TNRC6A: variants seen among roughly 807,000 people sequenced by gnomAD.
The protein encoded by TNRC6A is trinucleotide repeat containing adaptor 6A, also known as trinucleotide repeat-containing gene 6A protein.
In TNRC6A, 44 loss-of-function variants were observed where a neutral mutation model predicts 221.2. The observed-to-expected ratio is 0.20, with a 90% CI of 0.16 to 0.26. The LOEUF is 0.26. TNRC6A is among the 10% of genes least tolerant of loss of function. TNRC6A has a pLI of 1.00. For missense variants in TNRC6A, 2,199 were observed against 2,404.4 expected, an observed-to-expected ratio of 0.91 and a Z score of 1.79; for synonymous variants, 847 against 838.5, an observed-to-expected ratio of 1.01 and a Z score of -0.18.
chr16:24,761,121 G>A (rs1160331698), intron 4 of TNRC6A, among the ~76,000 whole-genome samples: 1 of 152,124 alleles, frequency 6.6e-6, no homozygotes, highest in African/African-American at 2.4e-5. Context: ...GTGTTGTAGA[G>A]TCTGTGTAAA....
At chr16:24,811,223 A>G (rs1352506573) in intron 18 of TNRC6A, among the ~76,000 whole-genome samples, 2 of 152,204 alleles carry the variant, frequency 1.3e-5, no homozygotes, top group African/African-American at 2.4e-5. Flanking sequence ...TTAGCTGCAC[A>G]CTGCACACCT....
At chr16:24,650,484 G>A (rs1902580122) in intron 2 of TNRC6A, among the ~76,000 whole-genome samples, 1 of 152,084 alleles carries the variant, frequency 6.6e-6, no homozygotes, top group South Asian at 2.1e-4. Flanking sequence ...GGCCAACATG[G>A]CAAAACCTTG....
chr16:24,668,382 A>C (rs906994635), intron 2 of TNRC6A, among the ~76,000 whole-genome samples: 3 of 151,062 alleles, frequency 2.0e-5, no homozygotes, highest in African/African-American at 7.4e-5. Flanking sequence ...AAGAAAAGAA[A>C]AATAAATTAC....
intron 2 of TNRC6A, among the ~76,000 whole-genome samples, chr16:24,723,872 T>C (rs1362917679): frequency 6.6e-6 from 1 of 152,232 alleles, no homozygotes; most frequent in Admixed American, 6.5e-5. Flanking sequence ...ATAACTACAG[T>C]TCTTGATGTG....
intron 2 of TNRC6A, among the ~76,000 whole-genome samples, chr16:24,740,183 T>A (rs1440433622): frequency 6.6e-6 from 1 of 152,242 alleles, no homozygotes; most frequent in Non-Finnish European, 1.5e-5. Flanking sequence ...ACTTCAGCTT[T>A]GTTGTAATAA....
chr16:24,730,032 G>T (rs2056586354), intron 1 of TNRC6A, among the ~76,000 whole-genome samples, 186 bp downstream of exon 1: 1 of 147,892 alleles, frequency 6.8e-6, no homozygotes, highest in East Asian at 2.0e-4. Context: ...GCCTCGCTGC[G>T]CCGCGCCGCG....
intron 12 of TNRC6A, 52 bp from the exon 13 acceptor site, chr16:24,804,653 T>C (rs1332313600): frequency 7.2e-6 from 11 of 1,535,626 alleles, no homozygotes; most frequent in African/African-American, 1.4e-5. Context: ...GATTTCTCCC[T>C]TCCACTTGTT....
intron 23 of TNRC6A, 30 bp from the exon 24 acceptor site, chr16:24,822,844 C>G (rs1353722974): frequency 6.2e-7 from 1 of 1,612,198 alleles, no homozygotes; most frequent in Admixed American, 1.7e-5. Flanking sequence ...GGTGACGCCT[C>G]TCACTGGCAG....
At chr16:24,621,546 C>T (rs1024782997) in intron 1 of TNRC6A, among the ~76,000 whole-genome samples, 8 of 151,670 alleles carry the variant, frequency 5.3e-5, no homozygotes, top group Non-Finnish European at 8.8e-5. Context: ...TTAGTAAAGG[C>T]GGGGTTTCAT....
chr16:24,682,138 C>T (rs1407973929), intron 2 of TNRC6A, among the ~76,000 whole-genome samples: 1 of 151,960 alleles, frequency 6.6e-6, no homozygotes, highest in African/African-American at 2.4e-5. Context: ...ACCAGATCTA[C>T]TTGAGTAATT....
intron 2 of TNRC6A, among the ~76,000 whole-genome samples, chr16:24,747,388 G>A (rs377508940): frequency 2.6e-5 from 4 of 152,114 alleles, no homozygotes; most frequent in Non-Finnish European, 4.4e-5. Flanking sequence ...TACAGACAAC[G>A]AGGTAGATTC....
At chr16:24,649,328 A>T (rs1388040320) in intron 2 of TNRC6A, among the ~76,000 whole-genome samples, 11 of 150,648 alleles carry the variant, frequency 7.3e-5, no homozygotes, top group African/African-American at 2.4e-4. Flanking sequence ...TGTTTTTTTG[A>T]GACAGGGTCT....
At chr16:24,680,416 G>A (rs182605178) in intron 2 of TNRC6A, among the ~76,000 whole-genome samples, 16 of 148,564 alleles carry the variant, frequency 1.1e-4, no homozygotes, top group Admixed American at 1.1e-3. Flanking sequence ...GTCAGACACT[G>A]TCTCTTAAAA....
At chr16:24,663,918 A>AC in intron 2 of TNRC6A, 1 of 456,690 alleles carries the variant, frequency 2.2e-6, no homozygotes, top group Non-Finnish European at 4.4e-6. Context: ...TTAAGCCGTT[A>AC]GCAGTTATCC....
intron 1 of TNRC6A, among the ~76,000 whole-genome samples, chr16:24,617,345 T>G (rs1900411749): frequency 6.6e-6 from 1 of 151,980 alleles, no homozygotes; most frequent in South Asian, 2.1e-4. Context: ...CCCAGGCTGG[T>G]CTTGAACTCC....
chr16:24,615,395 GGTTTAGACTTCATAT>G (rs1900290025), intron 1 of TNRC6A, among the ~76,000 whole-genome samples: 1 of 152,106 alleles, frequency 6.6e-6, no homozygotes, highest in African/African-American at 2.4e-5. Context: ...TGCTCAAAGA[GGTTTAGACTTCATAT>G]GTAAATTTGG....
At chr16:24,678,775 G>A (rs1461762195) in intron 2 of TNRC6A, among the ~76,000 whole-genome samples, 6 of 152,252 alleles carry the variant, frequency 3.9e-5, no homozygotes, top group East Asian at 1.9e-4. Context: ...TGCAACCTGC[G>A]AGAGACTGTG....
At chr16:24,699,198 G>A (rs1168499516) in intron 2 of TNRC6A, among the ~76,000 whole-genome samples, 1 of 152,180 alleles carries the variant, frequency 6.6e-6, no homozygotes, top group African/African-American at 2.4e-5. Context: ...CAGTGTGTAT[G>A]TGCCATGAAC....
chr16:24,694,240 T>C (rs948939625), intron 2 of TNRC6A, among the ~76,000 whole-genome samples: 1 of 152,114 alleles, frequency 6.6e-6, no homozygotes, highest in African/African-American at 2.4e-5. Context: ...GTCTCTTGCC[T>C]GAGGCTCCCA....
Sources: allele counts gnomAD v4.1 joint callset (sites outside exome capture counted in the v4.1 genomes callset), GRCh38; gene constraint gnomAD v4.1.1; transcripts MANE v1.5; gene names NCBI Gene and HGNC (gene_info 2026-07-23, HGNC 2026-07-21).